The following CSMD1 variants were observed in gnomAD, a reference collection of about 807,000 sequenced individuals.
CSMD1 encodes the protein CUB and Sushi multiple domains 1, also known as CUB and sushi domain-containing protein 1.
A neutral mutation model predicts 417.5 loss-of-function variants in CSMD1; 213 were observed. The ratio of observed to expected loss-of-function variants is 0.51; its 90% CI spans 0.46 to 0.57. The LOEUF (loss-of-function observed/expected upper bound fraction) is 0.57. CSMD1 is among the 20% of genes least tolerant of loss of function. The pLI is 0.00. For missense variants in CSMD1, 6,923 were observed against 4,529.7 expected (o/e 1.53, Z -15.17); for synonymous variants, 2,862 against 1,736.8 (o/e 1.65, Z -16.11).
At chr8:3,175,694 C>T (rs1339751003) in intron 37 of CSMD1, among the ~76,000 whole-genome samples, 1 of 98,064 alleles carries the variant, frequency 1.0e-5, no homozygotes, top group Admixed American at 8.5e-5. Context: ...GAGCTTCAGA[C>T]GTGGGAACAT....
intron 5 of CSMD1, among the ~76,000 whole-genome samples, chr8:3,954,785 C>T (rs889695062): frequency 1.3e-5 from 2 of 151,652 alleles, no homozygotes; most frequent in Admixed American, 6.6e-5. Flanking sequence ...CAGGGAGTTA[C>T]ATGCACGCAG....
intron 1 of CSMD1, among the ~76,000 whole-genome samples, chr8:4,719,186 G>C (rs547389580): frequency 1.4e-4 from 21 of 152,288 alleles, no homozygotes; most frequent in Non-Finnish European, 2.6e-4. Context: ...TACACAGCTA[G>C]AGAAAGTGCA....
At chr8:3,170,517 T>C (rs1386727726) in intron 37 of CSMD1, among the ~76,000 whole-genome samples, 1 of 152,224 alleles carries the variant, frequency 6.6e-6, no homozygotes, top group Non-Finnish European at 1.5e-5. Flanking sequence ...CCGAGCTTTA[T>C]TTCTAACAGC....
chr8:3,444,206 A>T (rs1815163411), intron 12 of CSMD1, among the ~76,000 whole-genome samples: 1 of 152,172 alleles, frequency 6.6e-6, no homozygotes, highest in Non-Finnish European at 1.5e-5. Flanking sequence ...CAAGGAAGCC[A>T]AGAATCACTG....
intron 4 of CSMD1, among the ~76,000 whole-genome samples, chr8:4,027,593 G>C (rs1797128583): frequency 6.6e-6 from 1 of 152,122 alleles, no homozygotes; most frequent in African/African-American, 2.4e-5. Context: ...GGCCTCCGCA[G>C]CCATGCAGAA....
intron 54 of CSMD1, among the ~76,000 whole-genome samples, chr8:2,991,687 T>C (rs658660): frequency 0.098 from 14,972 of 152,222 alleles, 1,885 homozygotes; most frequent in African/African-American, 0.3. Flanking sequence ...TGAATATGAG[T>C]CACTGAAGTA....
rs373586910 is a variant in CSMD1, at chr8:3,729,628, G to A, written c.932-21137C>T. 1.5e-3 allele frequency among the ~76,000 whole-genome samples: 223 copies of A among 152,022 alleles called. 1 individual carries two copies. Among genetic ancestry groups the A allele is most frequent in the African/African-American group, 5.1e-3 (211 of 41,448 alleles). Reference sequence around the variant, plus strand: ...TTAGCAGATCTTAGTGTGGAAAGACGGTGAACTCAACTTAGAGGAAGCGAT... The same window carrying A: ...TTAGCAGATCTTAGTGTGGAAAGACAGTGAACTCAACTTAGAGGAAGCGAT... On this transcript the variant is annotated intron_variant, in intron 6 of 69. Coordinates refer to ENST00000635120, the MANE Select transcript of CSMD1 (RefSeq NM_033225.6).
At chr8:3,880,230 T>C (rs77293591) in intron 5 of CSMD1, among the ~76,000 whole-genome samples, 4 of 152,310 alleles carry the variant, frequency 2.6e-5, no homozygotes, top group East Asian at 1.9e-4. Flanking sequence ...GGTGCAATTC[T>C]ATATGAATCA....
At position 4,271,282 on chromosome 8, in the gene CSMD1, C is replaced by G. The variant is rs559183742; in HGVS notation, c.415+148671G>C. 4.6e-3 allele frequency among the ~76,000 whole-genome samples: 703 copies of G among 152,218 alleles called. 4 individuals carry two copies. Among genetic ancestry groups the G allele is most frequent in the South Asian group, 0.014 (66 of 4,820 alleles). ...CCATGAAGCTGTAGGGGTTGGTGCC[C>G]TAACAGCAGGCAACCATCAACCCAC... is the stretch of plus-strand genomic sequence containing the variant. On this transcript the variant is annotated intron_variant, in intron 3 of 69. Coordinates refer to ENST00000635120, the MANE Select transcript of CSMD1 (RefSeq NM_033225.6).
At chr8:4,135,283 AGG>A (rs1803350988) in intron 3 of CSMD1, among the ~76,000 whole-genome samples, 10 of 150,810 alleles carry the variant, frequency 6.6e-5, no homozygotes, top group Admixed American at 5.3e-4. Context: ...CATTAGAAGG[AGG>A]GAAGGAAGAC....
At chr8:4,094,608 G>C (rs1283064054) in intron 3 of CSMD1, among the ~76,000 whole-genome samples, 3 of 151,570 alleles carry the variant, frequency 2.0e-5, no homozygotes, top group African/African-American at 7.3e-5. Flanking sequence ...GTGTAGGTCA[G>C]AGGAGAGGCG....
chr8:3,201,506 A>T (rs1796992163), intron 32 of CSMD1, 106 bp downstream of exon 32: 2 of 543,650 alleles, frequency 3.7e-6, no homozygotes, highest in African/African-American at 3.9e-5. Flanking sequence ...TTCAAAAATG[A>T]TTACATTTCT....
chr8:4,970,372 A>G (rs1338697540), intron 1 of CSMD1, among the ~76,000 whole-genome samples: 1 of 152,154 alleles, frequency 6.6e-6, no homozygotes, highest in East Asian at 1.9e-4. Flanking sequence ...AAATGGTATC[A>G]GCTTTTATGC....
intron 3 of CSMD1, among the ~76,000 whole-genome samples, chr8:4,209,965 C>T (rs900952827): frequency 6.6e-6 from 1 of 152,176 alleles, no homozygotes; most frequent in African/African-American, 2.4e-5. Flanking sequence ...TGGCATGGCA[C>T]ACTGGAGGAG....
At chr8:4,455,139 T>C (rs898351065) in intron 2 of CSMD1, among the ~76,000 whole-genome samples, 5 of 152,168 alleles carry the variant, frequency 3.3e-5, no homozygotes, top group Admixed American at 3.3e-4. Flanking sequence ...AAAGAGGATT[T>C]GGACAACAGC....
chr8:3,991,414 T>C (rs1029257879), intron 5 of CSMD1, among the ~76,000 whole-genome samples: 5 of 152,196 alleles, frequency 3.3e-5, no homozygotes, highest in African/African-American at 1.2e-4. Flanking sequence ...GTCACATCTT[T>C]ATGCGACAGC....
chr8:3,876,437 T>C (rs1385989304), intron 5 of CSMD1, among the ~76,000 whole-genome samples: 1 of 152,168 alleles, frequency 6.6e-6, no homozygotes, highest in African/African-American at 2.4e-5. Context: ...GAGACACCAT[T>C]CTCCTTTTAT....
intron 12 of CSMD1, among the ~76,000 whole-genome samples, chr8:3,426,841 G>C (rs563446850): frequency 6.6e-6 from 1 of 152,094 alleles, no homozygotes; most frequent in Admixed American, 6.5e-5. Flanking sequence ...GTCCATATTT[G>C]TACTACTATA....
At chr8:4,391,443 A>C (rs1164571245) in intron 3 of CSMD1, among the ~76,000 whole-genome samples, 1 of 152,136 alleles carries the variant, frequency 6.6e-6, no homozygotes, top group Non-Finnish European at 1.5e-5. Context: ...AAGGAACATA[A>C]ACAGCTAATT....
Sources: gnomAD v4.1 joint callset for allele counts (sites outside exome capture counted in the v4.1 genomes callset) on GRCh38, gnomAD v4.1.1 for gene constraint, MANE v1.5 for transcripts, NCBI Gene and HGNC (gene_info 2026-07-23, HGNC 2026-07-21) for gene names.